TPPP: variants seen among roughly 807,000 people sequenced by gnomAD.
TPPP encodes tubulin polymerization-promoting protein.
TPPP carries 6 observed loss-of-function variants against 15.5 expected under a neutral mutation model. The observed-to-expected ratio is 0.39, with a 90% confidence interval of 0.21 to 0.77. The LOEUF is 0.77. Among genes scored for constraint, TPPP ranks in the 30% least tolerant of loss-of-function variants. The pLI, the probability that TPPP is intolerant of heterozygous loss-of-function variation, is 0.42. For missense variants in TPPP, 269 were observed against 307.2 expected, an observed-to-expected ratio of 0.88 and a Z score of 0.93; for synonymous variants, 146 against 133.9, an observed-to-expected ratio of 1.09 and a Z score of -0.63.
At chr5:679,020 C>T (rs1435209776) in intron 1 of TPPP, among the ~76,000 whole-genome samples, 7 of 152,176 alleles carry the variant, frequency 4.6e-5, no homozygotes, top group Admixed American at 2.0e-4. Flanking sequence ...GGTGGGCCGT[C>T]AGCACTGCAC....
rs559634788 is a variant in TPPP, at chr5:684,271, C to A, written c.-4-6207G>T. ...GGGATCGGGACCAGGGGGAAGCAGC[C>A]CCCCAGTAAATCCGAAGCACAGGCA... On this transcript the variant is annotated intron_variant, in intron 1 of 3. Coordinates refer to ENST00000360578, the MANE Select transcript of TPPP (RefSeq NM_007030.3). Among the ~76,000 whole-genome samples, 51 of 152,332 alleles carry A rather than the reference C, an allele frequency of 3.3e-4. No individual in the cohort carries two copies. In the East Asian group the frequency reaches 9.1e-3, roughly 27 times the overall value.
intron 1 of TPPP, among the ~76,000 whole-genome samples, chr5:685,357 C>T (rs947028707): frequency 6.6e-6 from 1 of 152,226 alleles, no homozygotes; most frequent in East Asian, 1.9e-4. Context: ...CCTGTGGCAG[C>T]GTCCCCAGCA....
upstream of TPPP, among the ~76,000 whole-genome samples, chr5:696,041 G>C (rs1183086446): frequency 1.1e-5 from 1 of 93,742 alleles, no homozygotes; most frequent in Non-Finnish European, 2.2e-5. Flanking sequence ...ATAGGAGGAG[G>C]ACAGCTCTCC....
At chr5:682,381 T>C in intron 1 of TPPP, among the ~76,000 whole-genome samples, 1 of 148,590 alleles carries the variant, frequency 6.7e-6, no homozygotes, top group Non-Finnish European at 1.5e-5. Flanking sequence ...GGTCTGCCCC[T>C]TGGGCCTGGA....
At position 677,714 on chromosome 5, in the gene TPPP, G is replaced by A. The variant is rs762951699; in HGVS notation, c.311+36C>T. Reference sequence around the variant, plus strand: ...GGCTCAGGGCCGCAGACCCCCGTAAGTCAGGTCCCTCGGCCCGTGAGCCCA... The same window carrying A: ...GGCTCAGGGCCGCAGACCCCCGTAAATCAGGTCCCTCGGCCCGTGAGCCCA... On this transcript the variant is annotated intron_variant, in intron 2 of 3. Coordinates refer to ENST00000360578, the MANE Select transcript of TPPP (RefSeq NM_007030.3). 3.3e-6 allele frequency: 5 copies of A among 1,515,884 alleles called. No homozygotes were observed. In the African/African-American group the frequency reaches 6.9e-5, roughly 21 times the overall value. 93.9% of individuals were successfully genotyped at this position (1,515,884 alleles called of 1,614,324 possible). A position where few individuals can be genotyped will look rare whatever the true frequency, so the allele number is the denominator to read the frequency against.
chr5:678,882 A>T (rs1002297170), intron 1 of TPPP, among the ~76,000 whole-genome samples: 1 of 152,184 alleles, frequency 6.6e-6, no homozygotes, highest in Non-Finnish European at 1.5e-5. Flanking sequence ...GCCACAGGGC[A>T]GGGCTGCCGA....
At chr5:672,569 A>G (rs449787) in intron 2 of TPPP, among the ~76,000 whole-genome samples, 57,222 of 152,178 alleles carry the variant, frequency 0.38, 10,937 homozygotes, top group East Asian at 0.57. Context: ...CAAGGCTGGC[A>G]GACCCTCGCC....
chr5:677,276 A>G lies in TPPP; in HGVS notation c.311+474T>C, dbSNP rs112478661. Among the ~76,000 whole-genome samples the G allele has an allele frequency of 7.0e-3, 1,068 of 152,074 alleles. 13 individuals carry two copies. Among genetic ancestry groups the G allele is most frequent in the African/African-American group, 0.025 (1,023 of 41,474 alleles). ...GGGACACAAGCATCCAACCTCTGAG[A>G]CTCAGCCGCTGAGCCAGCCCACAGA... On this transcript the variant is annotated intron_variant, in intron 2 of 3. Coordinates refer to ENST00000360578, the MANE Select transcript of TPPP (RefSeq NM_007030.3).
upstream of TPPP, among the ~76,000 whole-genome samples, chr5:697,842 A>T (rs1224249421): frequency 6.8e-6 from 1 of 147,200 alleles, no homozygotes; most frequent in African/African-American, 2.5e-5. Flanking sequence ...CTATGAGGCC[A>T]GTATCACCCT....
At chr5:679,409 C>CA (rs1430823177) in intron 1 of TPPP, among the ~76,000 whole-genome samples, 117 of 91,614 alleles carry the variant, frequency 1.3e-3, no homozygotes, top group African/African-American at 5.6e-3. Flanking sequence ...GGGCAGGATC[C>CA]TGGGGGTGGA....
chr5:696,862 GTGTGTGTC>G (rs1438881767), upstream of TPPP, among the ~76,000 whole-genome samples: 53 of 69,644 alleles, frequency 7.6e-4, no homozygotes, highest in African/African-American at 4.2e-3. Context: ...GTTCAGCTGT[GTGTGTGTC>G]TATTTGTGTG....
chr5:674,864 T>G (rs370507263), intron 2 of TPPP, among the ~76,000 whole-genome samples: 2 of 150,456 alleles, frequency 1.3e-5, no homozygotes, highest in Non-Finnish European at 2.9e-5. Flanking sequence ...AGCGAGCCTG[T>G]GGGAGCTGCC....
chr5:692,451 A>T, intron 1 of TPPP: 1 of 493,672 alleles, frequency 2.0e-6, no homozygotes, highest in Non-Finnish European at 2.4e-6. Context: ...GCAGCCTCCC[A>T]ACCCCTATCA....
At chr5:671,206 A>T (rs914076130) in intron 2 of TPPP, among the ~76,000 whole-genome samples, 3 of 150,792 alleles carry the variant, frequency 2.0e-5, no homozygotes, top group Non-Finnish European at 4.4e-5. Context: ...GCTTGCTGCT[A>T]ATTAATTTTG....
the TPPP span, among the ~76,000 whole-genome samples, chr5:699,554 C>T: frequency 6.6e-6 from 1 of 152,008 alleles, no homozygotes; most frequent in Non-Finnish European, 1.5e-5. Flanking sequence ...TGGACATTGG[C>T]CTAGGCAAAG....
chr5:668,401 G>C (rs189999109), intron 2 of TPPP, among the ~76,000 whole-genome samples: 2 of 115,532 alleles, frequency 1.7e-5, no homozygotes, highest in Non-Finnish European at 3.7e-5. Context: ...GGGAAGTACC[G>C]ACAAGCACAC....
At chr5:692,769 C>T (rs1166797583) in intron 1 of TPPP, 4 of 951,248 alleles carry the variant, frequency 4.2e-6, no homozygotes, top group Non-Finnish European at 5.0e-6. Flanking sequence ...GGTGTCAGGA[C>T]CCTGAGATGG....
At chr5:670,307 G>A (rs1740171765) in intron 2 of TPPP, among the ~76,000 whole-genome samples, 1 of 152,168 alleles carries the variant, frequency 6.6e-6, no homozygotes, top group South Asian at 2.1e-4. Flanking sequence ...GGCGGGCGAG[G>A]TGACAGCTAC....
At position 678,140 on chromosome 5, in the gene TPPP, G is replaced by A. The variant is rs569487310; in HGVS notation, c.-4-76C>T. On this transcript the variant is annotated intron_variant, in intron 1 of 3. Transcript: ENST00000360578. ...AGCCGGGTGCAGCCCAGGAAACCCCGCCGTACCAATGAGCACCAGGACGTG... is the reference window on the plus strand; with the variant it reads ...AGCCGGGTGCAGCCCAGGAAACCCCACCGTACCAATGAGCACCAGGACGTG... 3.7e-5 allele frequency: 52 copies of A among 1,419,498 alleles called. 1 individual carries two copies. Among genetic ancestry groups the A allele is most frequent in the Middle Eastern group, 2.6e-4 (1 of 3,838 alleles). The allele number at this position is 1,419,498 out of a possible 1,614,324, so 87.9% of individuals were successfully genotyped here.
Sources: gnomAD v4.1 joint callset for allele counts (sites outside exome capture counted in the v4.1 genomes callset) on GRCh38, gnomAD v4.1.1 for gene constraint, MANE v1.5 for transcripts, NCBI Gene and HGNC (gene_info 2026-07-23, HGNC 2026-07-21) for gene names.